The following MYO5C variants were observed in gnomAD, a reference collection of about 807,000 sequenced individuals.
MYO5C encodes myosin VC, also known as unconventional myosin-Vc.
MYO5C carries 194 observed loss-of-function variants against 235.7 expected under a neutral mutation model. That is an observed-to-expected ratio of 0.82 (90% CI 0.73 to 0.93). The LOEUF (loss-of-function observed/expected upper bound fraction) is 0.93. MYO5C is among the 40% of genes least tolerant of loss of function. The pLI is 0.00. For synonymous variants in MYO5C, 707 were observed against 754.8 expected, an observed-to-expected ratio of 0.94 and a Z score of 1.04; for missense variants, 2,038 against 2,127.2, an observed-to-expected ratio of 0.96 and a Z score of 0.82.
rs544473736 is a variant in MYO5C, at chr15:52,219,663, GC to G, written c.3785+95del. The G allele has an allele frequency of 3.0e-4, 271 of 907,654 alleles. 1 individual carries two copies. The African/African-American group carries it at 4.0e-3, about 13-fold the overall frequency. The allele number at this position is 907,654 out of a possible 1,614,324, so 56.2% of individuals were successfully genotyped here. A position where few individuals can be genotyped will look rare whatever the true frequency, so the allele number is the denominator to read the frequency against. On this transcript the variant is annotated intron_variant, in intron 31 of 40. Coordinates refer to ENST00000261839, the MANE Select transcript of MYO5C (RefSeq NM_018728.4). Reference sequence around the variant, plus strand: ...TGTCATATATATTAATTAGCATCTTGCTTTTTGGCATTAGTAACACATCTTG... The same window carrying G: ...TGTCATATATATTAATTAGCATCTTGTTTTTGGCATTAGTAACACATCTTG...
In MYO5C at chr15:52,269,839, T is replaced by A. The variant is rs1248512961; in HGVS notation, c.854A>T (p.Tyr285Phe). 3 of 1,613,266 alleles carry A rather than the reference T, an allele frequency of 1.9e-6. No homozygotes were observed. In the South Asian group the frequency reaches 3.3e-5, roughly 18 times the overall value. ...GACAGTATTGCCTCCCATTCTTGTA[T>A]AATTAAATTCTTCGGCACTCCCTGA... ...LKLGSAEEFNYTRMGGNTVIE... is the reference protein window; with the variant it reads ...LKLGSAEEFNFTRMGGNTVIE... Residue 285 changes from tyrosine (Y) to phenylalanine (F), a missense_variant, in exon 8 of 41, where the codon TAT (tyrosine) becomes TTT (phenylalanine). Transcript: ENST00000261839.
intron 22 of MYO5C, among the ~76,000 whole-genome samples, chr15:52,236,259 T>C (rs1322742634): frequency 1.3e-5 from 2 of 152,218 alleles, no homozygotes; most frequent in African/African-American, 4.8e-5. Flanking sequence ...TGACTGATGG[T>C]GACTGGCAGC....
intron 6 of MYO5C, 150 bp downstream of exon 6, chr15:52,272,430 A>G (rs957579459): frequency 1.4e-6 from 1 of 718,370 alleles, no homozygotes; most frequent in Admixed American, 3.1e-5. Context: ...ATTTTTAATA[A>G]ACAGAAAAAA....
In MYO5C at chr15:52,275,764, GA is replaced by G. The variant is rs756406932; in HGVS notation, c.450-47del. On this transcript the variant is annotated intron_variant, in intron 4 of 40. Coordinates refer to ENST00000261839, the MANE Select transcript of MYO5C (RefSeq NM_018728.4). ...CAAATATTAGTTTCTTCCCATTAAA[GA>G]GGCAACATGTGCTAATTAAGACAAA... The G allele has an allele frequency of 3.2e-5, 51 of 1,584,596 alleles. No homozygotes were observed. In the African/African-American group the frequency reaches 5.0e-4, roughly 15 times the overall value.
intron 38 of MYO5C, among the ~76,000 whole-genome samples, chr15:52,201,224 C>T (rs1251157511): frequency 1.3e-5 from 2 of 151,744 alleles, no homozygotes; most frequent in African/African-American, 4.8e-5. Context: ...AAATCCACAC[C>T]CAGACACATC....
intron 28 of MYO5C, 37 bp from the exon 29 acceptor site, chr15:52,223,761 CT>C (rs753219450): frequency 1.3e-6 from 2 of 1,584,706 alleles, no homozygotes; most frequent in Admixed American, 1.8e-5. Flanking sequence ...ACCACATGGC[CT>C]TTGTTCTGTT....
chr15:52,250,686 T>C (rs575108792), intron 13 of MYO5C, among the ~76,000 whole-genome samples: 24 of 152,238 alleles, frequency 1.6e-4, no homozygotes, highest in African/African-American at 5.1e-4. Flanking sequence ...GCGATAAACA[T>C]AGACAAGCAC....
intron 31 of MYO5C, among the ~76,000 whole-genome samples, chr15:52,219,389 A>G (rs2035627560): frequency 6.6e-6 from 1 of 152,194 alleles, no homozygotes; most frequent in Non-Finnish European, 1.5e-5. Flanking sequence ...CCTCTCTCAC[A>G]CACTCTTATC....
chr15:52,252,694 G>A (rs1478133639), intron 12 of MYO5C, among the ~76,000 whole-genome samples: 1 of 151,576 alleles, frequency 6.6e-6, no homozygotes, highest in Non-Finnish European at 1.5e-5. Flanking sequence ...AGAATCACTT[G>A]AACTCAGGAA....
In MYO5C at chr15:52,295,709, G is replaced by T; in HGVS notation, c.-73C>A. ...TCGGGGGCTGGGCCTGCGCCGCAGA[G>T]GCCGGGCGCAGGAGAGACCGCCGCG... On this transcript the variant is annotated 5_prime_UTR_variant, in exon 1 of 41. Transcript: ENST00000261839. The T allele has an allele frequency of 1.8e-6, 2 of 1,134,666 alleles. No homozygotes were observed. The highest frequency in any genetic ancestry group is 2.3e-6 in the Non-Finnish European group (2 of 859,818). The allele number at this position is 1,134,666 out of a possible 1,614,324, so 70.3% of individuals were successfully genotyped here.
chr15:52,204,850 G>A lies in MYO5C; in HGVS notation c.4820+15C>T, dbSNP rs1172845598. ...TGCAGGCCTCTCCGCGTGAGCGGAG[G>A]TTTCTGGGTTTTACCTGATCTGCAT... On this transcript the variant is annotated intron_variant, in intron 38 of 40. Transcript: ENST00000261839. 6.2e-7 allele frequency: 1 copy of A among 1,611,808 alleles called. No individual in the cohort carries two copies. Among genetic ancestry groups the A allele is most frequent in the Admixed American group, 1.7e-5 (1 of 59,928 alleles).
intron 1 of MYO5C, among the ~76,000 whole-genome samples, chr15:52,286,304 CG>C (rs1566995647): frequency 6.7e-6 from 1 of 148,532 alleles, no homozygotes; most frequent in East Asian, 2.1e-4. Flanking sequence ...CCGCCCCGTC[CG>C]GGAGGGAGGT....
chr15:52,212,008 G>C (rs1032781378), intron 34 of MYO5C, 124 bp from the exon 35 acceptor site: 1 of 907,108 alleles, frequency 1.1e-6, no homozygotes, highest in African/African-American at 1.7e-5. Flanking sequence ...AATGTATATG[G>C]ATTTATTTCC....
At position 52,206,073 on chromosome 15, in the gene MYO5C, T is replaced by G. The variant is rs955583858; in HGVS notation, c.4387-107A>C. 4 of 691,020 alleles carry G rather than the reference T, an allele frequency of 5.8e-6. No homozygotes were observed. The African/African-American group carries it at 7.3e-5, about 13-fold the overall frequency. 42.8% of individuals were successfully genotyped at this position (691,020 alleles called of 1,614,324 possible). The stretch of plus-strand genomic sequence containing the variant: ...CTTAAAACTTAATGTCTGATTTATA[T>G]CAAATGAGTTCATGATGCTTGGGGT... On this transcript the variant is annotated intron_variant, in intron 36 of 40. Transcript: ENST00000261839.
intron 22 of MYO5C, among the ~76,000 whole-genome samples, chr15:52,236,444 G>C (rs545368975): frequency 1.5e-4 from 23 of 152,326 alleles, no homozygotes; most frequent in African/African-American, 5.5e-4. Flanking sequence ...GAGGCCAAGC[G>C]GGGGTGGATC....
chr15:52,284,209 T>TA (rs5812591), intron 1 of MYO5C, among the ~76,000 whole-genome samples: 37 of 146,078 alleles, frequency 2.5e-4, no homozygotes, highest in South Asian at 4.3e-4. Context: ...TAATGAGAAT[T>TA]AAAAAAAAAA....
intron 32 of MYO5C, among the ~76,000 whole-genome samples, chr15:52,215,907 T>C (rs1258556132): frequency 6.6e-6 from 1 of 152,214 alleles, no homozygotes; most frequent in Admixed American, 6.5e-5. Flanking sequence ...AATTTAACCT[T>C]TGCTCTATTG....
At chr15:52,286,424 C>T (rs1344456972) in intron 1 of MYO5C, among the ~76,000 whole-genome samples, 1 of 152,172 alleles carries the variant, frequency 6.6e-6, no homozygotes. Flanking sequence ...CCGGCCACCA[C>T]CCCGTCTGGG....
In MYO5C at chr15:52,251,529, A is replaced by C. The variant is rs764176009; in HGVS notation, c.1537-14T>G. The stretch of plus-strand genomic sequence containing the variant: ...TCCATGTGGTAACTGGAAAAGAAAA[A>C]TAAACCAAATAGCAAGTAAGAAAAC... On this transcript the variant is annotated splice_polypyrimidine_tract_variant and intron_variant, in intron 12 of 40. Coordinates refer to ENST00000261839, the MANE Select transcript of MYO5C (RefSeq NM_018728.4). 1.3e-6 allele frequency: 2 copies of C among 1,584,724 alleles called. No individual in the cohort carries two copies. The highest frequency in any genetic ancestry group is 2.3e-5 in the South Asian group (2 of 85,884).
Sources: allele counts gnomAD v4.1 joint callset (sites outside exome capture counted in the v4.1 genomes callset), GRCh38; gene constraint gnomAD v4.1.1; transcripts MANE v1.5; gene names NCBI Gene and HGNC (gene_info 2026-07-23, HGNC 2026-07-21).